Variants in METTL24 observed in about 807,000 individuals in gnomAD.
METTL24 encodes the protein methyltransferase like 24.
Under a neutral mutation model 32.7 loss-of-function variants are expected in METTL24, and 29 were observed. The ratio of observed to expected loss-of-function variants is 0.89; its 90% CI spans 0.66 to 1.21. The LOEUF is 1.21. Among genes scored for constraint, METTL24 ranks in the 50% most tolerant of loss-of-function variants. The pLI is 0.00. For missense variants in METTL24, 439 were observed against 468.1 expected (o/e 0.94, Z 0.57); for synonymous variants, 163 against 179.5 (o/e 0.91, Z 0.73).
chr6:110,275,201 G>T (rs1477827821), intron 4 of METTL24, among the ~76,000 whole-genome samples: 1 of 151,814 alleles, frequency 6.6e-6, no homozygotes, highest in Non-Finnish European at 1.5e-5. Flanking sequence ...ATCTAATTTT[G>T]AACCTAGTTA....
At chr6:110,312,604 A>C (rs1486195400) in intron 3 of METTL24, among the ~76,000 whole-genome samples, 1 of 152,228 alleles carries the variant, frequency 6.6e-6, no homozygotes, top group Admixed American at 6.5e-5. Context: ...ACACAGAAAC[A>C]CAAATATTGC....
At chr6:110,292,183 C>G (rs1477873586) in intron 4 of METTL24, among the ~76,000 whole-genome samples, 2 of 152,150 alleles carry the variant, frequency 1.3e-5, no homozygotes, top group Non-Finnish European at 2.9e-5. Context: ...CTATTACAAA[C>G]AATGCTGCAA....
chr6:110,252,073 G>A (rs1020301708), intron 4 of METTL24, among the ~76,000 whole-genome samples: 4 of 152,138 alleles, frequency 2.6e-5, no homozygotes, highest in East Asian at 3.9e-4. Flanking sequence ...GGACCTGGGG[G>A]GCAGAGGTTG....
chr6:110,350,258 G>A (rs1772568312), intron 1 of METTL24, among the ~76,000 whole-genome samples: 2 of 152,188 alleles, frequency 1.3e-5, no homozygotes, highest in Admixed American at 1.3e-4. Context: ...GGACAACTAA[G>A]GTCTTCAGTG....
rs927033824 is a variant in METTL24 at position 110,358,016 on chromosome 6, C to A, written c.257G>T (p.Gly86Val). 8.7e-7 allele frequency: 1 copy of A among 1,146,498 alleles called. No individual in the cohort carries two copies. The highest frequency in any genetic ancestry group is 4.1e-5 in the East Asian group (1 of 24,624). 71.0% of individuals were successfully genotyped at this position (1,146,498 alleles called of 1,614,324 possible). Residue 86 changes from glycine (G) to valine (V), a missense_variant, in exon 1 of 5, where the codon GGC becomes GTC. Physicochemically the swap from Gly to Val is moderately radical, Grantham distance 109 (BLOSUM62 -3). Transcript: ENST00000338882. ...AGGCTCCGGCGTCCCGCTCCCGCCG[C>A]CCCCCGGCGGCGCCCGGCGACCGCT... Reference protein sequence around the residue: ...VRSGRRAPPGGGGSGTPEPGC... With the variant: ...VRSGRRAPPGVGGSGTPEPGC...
rs1189852500 is a variant in METTL24, at chr6:110,322,401, TG to T, written c.417+372del. On this transcript the variant is annotated intron_variant, in intron 2 of 4. Transcript: ENST00000338882. ...AAGGCAAGTTCCTCCAAATACAAAATGGTGCTTGAACCTCTAGATGATGGTT... is the reference window on the plus strand; with the variant it reads ...AAGGCAAGTTCCTCCAAATACAAAATGTGCTTGAACCTCTAGATGATGGTT... Among the ~76,000 whole-genome samples the T allele has an allele frequency of 2.0e-5, 3 of 152,314 alleles. No homozygotes were observed. The East Asian group carries it at 5.8e-4, about 29-fold the overall frequency.
intron 4 of METTL24, among the ~76,000 whole-genome samples, chr6:110,268,713 T>G (rs1463604183): frequency 3.9e-5 from 6 of 152,190 alleles, no homozygotes; most frequent in Non-Finnish European, 8.8e-5. Context: ...AGGTTCTGTA[T>G]GACCAAATGG....
intron 3 of METTL24, among the ~76,000 whole-genome samples, chr6:110,303,149 C>T (rs892949887): frequency 4.6e-5 from 7 of 152,190 alleles, no homozygotes; most frequent in Non-Finnish European, 8.8e-5. Context: ...ACGCTTTTCC[C>T]ATGGTCTTCA....
intron 4 of METTL24, among the ~76,000 whole-genome samples, chr6:110,285,908 G>A (rs1314520995): frequency 6.6e-6 from 1 of 152,154 alleles, no homozygotes; most frequent in Non-Finnish European, 1.5e-5. Context: ...AGCTCCCTGG[G>A]GGCTGATTCC....
In METTL24 at chr6:110,246,081, T is replaced by C. The variant is rs1454361940; in HGVS notation, c.966A>G (p.Lys322=). The C allele has an allele frequency of 6.2e-7, 1 of 1,614,224 alleles. No individual in the cohort carries two copies. The highest frequency in any genetic ancestry group is 2.2e-5 in the East Asian group (1 of 44,874). The stretch of plus-strand genomic sequence containing the variant: ...GCCTGAAATCCTTTTGTTCTAACTC[T>C]TTGAGAAGGCTGTACCAGAACCGCA... ...SVVRFWYSLL[K]ELEQKDFRLF... Residue 322 remains lysine, a synonymous_variant, in exon 5 of 5, where the codon AAA becomes AAG. Transcript: ENST00000338882.
intron 3 of METTL24, among the ~76,000 whole-genome samples, chr6:110,300,398 T>G (rs1220321093): frequency 6.6e-6 from 1 of 151,188 alleles, no homozygotes; most frequent in East Asian, 1.9e-4. Flanking sequence ...AGCCTTCAGT[T>G]CAGAGATCAT....
intron 1 of METTL24, 44 bp from the exon 2 acceptor site, chr6:110,322,916 C>T: frequency 6.7e-7 from 1 of 1,499,286 alleles, no homozygotes; most frequent in Non-Finnish European, 9.2e-7. Context: ...GGAAGAGGAA[C>T]TGGGTGGGAG....
At chr6:110,309,564 G>C (rs1771681430) in intron 3 of METTL24, among the ~76,000 whole-genome samples, 1 of 152,116 alleles carries the variant, frequency 6.6e-6, no homozygotes, top group Non-Finnish European at 1.5e-5. Context: ...CACGTGTCTG[G>C]GGAGGCCTCA....
At chr6:110,312,239 C>T (rs1446081499) in intron 3 of METTL24, among the ~76,000 whole-genome samples, 1 of 152,152 alleles carries the variant, frequency 6.6e-6, no homozygotes, top group Admixed American at 6.5e-5. Context: ...GGAACTTTTA[C>T]ACACTGGTTT....
intron 4 of METTL24, among the ~76,000 whole-genome samples, chr6:110,253,549 A>G (rs1778323471): frequency 6.6e-6 from 1 of 152,216 alleles, no homozygotes; most frequent in African/African-American, 2.4e-5. Flanking sequence ...ATTAATATGC[A>G]TTTAACCAAA....
chr6:110,301,203 C>T (rs1169302340), intron 3 of METTL24, among the ~76,000 whole-genome samples: 1 of 152,224 alleles, frequency 6.6e-6, no homozygotes, highest in African/African-American at 2.4e-5. Flanking sequence ...ACTCCTCTCA[C>T]AAGCACTTCC....
chr6:110,315,562 C>T (rs1339379131), intron 2 of METTL24, 81 bp from the exon 3 acceptor site: 14 of 1,479,332 alleles, frequency 9.5e-6, no homozygotes, highest in Non-Finnish European at 1.3e-5. Context: ...CTTCCCCATC[C>T]TTGAAAACCG....
chr6:110,277,583 A>C (rs1771069042), intron 4 of METTL24, among the ~76,000 whole-genome samples: 1 of 152,178 alleles, frequency 6.6e-6, no homozygotes, highest in Non-Finnish European at 1.5e-5. Flanking sequence ...CTAAATGGAA[A>C]AGGCCCTCAA....
At chr6:110,287,692 G>A (rs1224021201) in intron 4 of METTL24, among the ~76,000 whole-genome samples, 2 of 152,192 alleles carry the variant, frequency 1.3e-5, no homozygotes, top group African/African-American at 4.8e-5. Flanking sequence ...CAAAGATAAG[G>A]TATTCAAATT....
Sources: allele counts gnomAD v4.1 joint callset (sites outside exome capture counted in the v4.1 genomes callset), GRCh38; gene constraint gnomAD v4.1.1; transcripts MANE v1.5; gene names NCBI Gene and HGNC (gene_info 2026-07-23, HGNC 2026-07-21).